The following ARID1B variants were observed in gnomAD, a reference collection of about 807,000 sequenced individuals.
ARID1B encodes AT-rich interactive domain-containing protein 1B.
ARID1B carries 30 observed loss-of-function variants against 212.3 expected under a neutral mutation model. The observed-to-expected ratio is 0.14, with a 90% CI of 0.11 to 0.19. ARID1B has a LOEUF of 0.19. Among genes scored for constraint, ARID1B ranks in the 10% least tolerant of loss-of-function variants. ARID1B has a pLI of 1.00. For synonymous variants in ARID1B, 1,402 were observed against 1,301.7 expected (o/e 1.08, Z -1.66); for missense variants, 2,891 against 3,204.0 (o/e 0.90, Z 2.36).
At chr6:156,851,930 A>G (rs1166024062) in intron 2 of ARID1B, among the ~76,000 whole-genome samples, 1 of 152,186 alleles carries the variant, frequency 6.6e-6, no homozygotes, top group African/African-American at 2.4e-5. Context: ...TAAAGGTATT[A>G]TGGAGATATT....
At chr6:156,982,140 T>C (rs1396744065) in intron 4 of ARID1B, among the ~76,000 whole-genome samples, 1 of 152,126 alleles carries the variant, frequency 6.6e-6, no homozygotes, top group Non-Finnish European at 1.5e-5. Flanking sequence ...AAAATGTGAA[T>C]GGGAGGTAAA....
In ARID1B at chr6:156,829,170, T is replaced by C. The variant is rs1484891250; in HGVS notation, c.1792-57T>C. 7 of 1,430,618 alleles carry C rather than the reference T, an allele frequency of 4.9e-6. 1 individual carries two copies. The South Asian group carries it at 8.1e-5, about 17-fold the overall frequency. 88.6% of individuals were successfully genotyped at this position (1,430,618 alleles called of 1,614,324 possible). ...ATGCATATGTTGACATAACACAAAT[T>C]TGTGCCTTTGTAATAAAGAATGAAT... On this transcript the variant is annotated intron_variant, in intron 1 of 19. Coordinates refer to ENST00000636930, the MANE Select transcript of ARID1B (RefSeq NM_001374828.1).
chr6:156,955,705 G>A lies in ARID1B; in HGVS notation c.2247+20129G>A, dbSNP rs1020017745. On this transcript the variant is annotated intron_variant, in intron 4 of 19. Transcript: ENST00000636930. The surrounding 1 kb of genome is among the most constrained non-coding windows in gnomAD (Gnocchi z 4.2). Reference sequence around the variant, plus strand: ...CAGCCAAGATAAACATCAAGAAAAGGTAGGAGAACCTATGCCCATCTCCAG... The same window carrying A: ...CAGCCAAGATAAACATCAAGAAAAGATAGGAGAACCTATGCCCATCTCCAG... 1.3e-5 allele frequency among the ~76,000 whole-genome samples: 2 copies of A among 152,292 alleles called. No homozygotes were observed. Among genetic ancestry groups the A allele is most frequent in the African/African-American group, 4.8e-5 (2 of 41,568 alleles).
chr6:156,951,323 A>G (rs1793569396), intron 4 of ARID1B, among the ~76,000 whole-genome samples: 1 of 152,252 alleles, frequency 6.6e-6, no homozygotes, highest in African/African-American at 2.4e-5. Flanking sequence ...CAAACAAACC[A>G]TGATAATGCA....
At chr6:156,803,404 TTTTCC>T (rs917897771) in intron 1 of ARID1B, among the ~76,000 whole-genome samples, 5 of 152,168 alleles carry the variant, frequency 3.3e-5, no homozygotes, top group Non-Finnish European at 5.9e-5. Context: ...AACCAAAATA[TTTTCC>T]TTTCCTTTCC....
chr6:157,006,866 G>A (rs1779275267), intron 4 of ARID1B, among the ~76,000 whole-genome samples: 1 of 152,166 alleles, frequency 6.6e-6, no homozygotes, highest in Non-Finnish European at 1.5e-5. Context: ...TTTTCACGTG[G>A]AAGTAATCCT....
chr6:156,916,722 C>T (rs973823133), intron 3 of ARID1B, among the ~76,000 whole-genome samples: 3 of 151,192 alleles, frequency 2.0e-5, no homozygotes, highest in Non-Finnish European at 4.4e-5. Context: ...CTTTCTCTCT[C>T]CTCCTAGTAC....
chr6:156,778,887 A>AGCGGAGGAGGAG lies in ARID1B; in HGVS notation c.1209_1220dup (p.Gly408_Gly411dup). 7.3e-7 allele frequency: 1 copy of AGCGGAGGAGGAG among 1,364,802 alleles called. No homozygotes were observed. The highest frequency in any genetic ancestry group is 9.5e-7 in the Non-Finnish European group (1 of 1,055,826). 84.5% of individuals were successfully genotyped at this position (1,364,802 alleles called of 1,614,324 possible). ...CGGCGGCGGCGGAGGAGGAGGAGGC[A>AGCGGAGGAGGAG]GCGGAGGAGGAGGAGGAGGAGGAGG... On this transcript the variant is annotated inframe_insertion, in exon 1 of 20. Coordinates refer to ENST00000636930, the MANE Select transcript of ARID1B (RefSeq NM_001374828.1).
At position 157,207,517 on chromosome 6, in the gene ARID1B, G is replaced by A; in HGVS notation, c.6745G>A (p.Val2249Ile). ...GTACGTTGGGGATCGCAAAAACCCA[G>A]TCTGTCGAGAAATGTCCATGGCGCT... ...VRYVGDRKNP[V>I]CREMSMALLS... The change falls in exon 20 of 20, where the codon GTC becomes ATC. Residue 2249 changes from valine to isoleucine, a missense_variant. Physicochemically the swap from Val to Ile is conservative, Grantham distance 29. Around this residue, in one of 7 missense-constraint regions of ARID1B, gnomAD observed 187 missense variants for 306.5 expected, o/e 0.61. Coordinates refer to ENST00000636930, the MANE Select transcript of ARID1B (RefSeq NM_001374828.1). This position sits in a 1 kb window ranked among gnomAD's most constrained non-coding sequence, Gnocchi z 8.5. 6.2e-7 allele frequency: 1 copy of A among 1,614,178 alleles called. No individual in the cohort carries two copies. Among genetic ancestry groups the A allele is most frequent in the Middle Eastern group, 1.6e-4 (1 of 6,062 alleles).
chr6:156,782,988 T>C (rs1201144233), intron 1 of ARID1B, among the ~76,000 whole-genome samples: 3 of 152,106 alleles, frequency 2.0e-5, no homozygotes, highest in Non-Finnish European at 4.4e-5. Context: ...TTTTTTTTTT[T>C]TAGTGGTAGC....
chr6:157,166,133 C>T (rs572735457), intron 8 of ARID1B: 1 of 152,170 alleles, frequency 6.6e-6, no homozygotes, highest in Non-Finnish European at 1.5e-5. Flanking sequence ...CTTTTGCCAC[C>T]TTGCTATCAT....
intron 4 of ARID1B, among the ~76,000 whole-genome samples, chr6:156,965,610 G>T (rs558481113): frequency 7.9e-5 from 12 of 152,286 alleles, no homozygotes; most frequent in African/African-American, 2.9e-4. Context: ...TCAATTTAGG[G>T]AAAAATTTGT....
chr6:157,090,082 C>G (rs879158299), intron 5 of ARID1B, among the ~76,000 whole-genome samples: 1 of 152,222 alleles, frequency 6.6e-6, no homozygotes, highest in Non-Finnish European at 1.5e-5. Context: ...GTTAATTTCA[C>G]TTGTCTTGCC....
chr6:156,796,231 C>T (rs1780368751), intron 1 of ARID1B, among the ~76,000 whole-genome samples: 1 of 152,126 alleles, frequency 6.6e-6, no homozygotes, highest in South Asian at 2.1e-4. Flanking sequence ...GTATCACTAT[C>T]AGGGTTATCA....
chr6:157,108,647 G>C (rs541026203), intron 5 of ARID1B, among the ~76,000 whole-genome samples: 2 of 152,306 alleles, frequency 1.3e-5, no homozygotes, highest in East Asian at 3.9e-4. Flanking sequence ...CCAAGTCGGT[G>C]ACCAGTATTT....
At chr6:157,181,239 C>T (rs2128318268) in intron 12 of ARID1B, 61 bp downstream of exon 12, 1 of 1,572,476 alleles carries the variant, frequency 6.4e-7, no homozygotes, top group African/African-American at 1.3e-5. Flanking sequence ...CTTACAGTGG[C>T]TTTCTTTGAA....
intron 4 of ARID1B, 57 bp downstream of exon 4, chr6:156,935,633 GC>G (rs1203661844): frequency 1.9e-5 from 27 of 1,442,628 alleles, no homozygotes; most frequent in African/African-American, 2.8e-5. Context: ...TTTAGAAAGA[GC>G]TGTTGTTTTT....
intron 1 of ARID1B, 33 bp downstream of exon 1, chr6:156,779,504 C>T (rs1337006426): frequency 2.3e-6 from 3 of 1,294,930 alleles, no homozygotes; most frequent in Non-Finnish European, 2.9e-6. Flanking sequence ...CTGCTTCCGC[C>T]CGGCGGCCTC....
At chr6:156,935,695 G>T in intron 4 of ARID1B, 119 bp downstream of exon 4, 1 of 926,376 alleles carries the variant, frequency 1.1e-6, no homozygotes, top group Admixed American at 2.8e-5. Context: ...TAGACTTCAG[G>T]TTTATTTTGT....
Sources: gnomAD v4.1 joint callset for allele counts (sites outside exome capture counted in the v4.1 genomes callset) on GRCh38, gnomAD v4.1.1 for gene constraint, gnomAD v4.1.1 regional missense constraint, Gnocchi (gnomAD v3.1) non-coding constraint, MANE v1.5 for transcripts, NCBI Gene and HGNC (gene_info 2026-07-23, HGNC 2026-07-21) for gene names.